The following PLS1 variants were observed in gnomAD, a reference collection of about 807,000 sequenced individuals.
PLS1 encodes plastin-1.
Under a neutral mutation model 73.7 loss-of-function variants are expected in PLS1, and 32 were observed. That is an observed-to-expected ratio of 0.43 (90% CI 0.33 to 0.58). The LOEUF (loss-of-function observed/expected upper bound fraction) is 0.58. Among genes scored for constraint, PLS1 ranks in the 20% least tolerant of loss-of-function variants. The pLI, the probability that PLS1 is intolerant of heterozygous loss-of-function variation, is 0.04. For synonymous variants in PLS1, 217 were observed against 261.3 expected (o/e 0.83, Z 1.63); for missense variants, 633 against 740.5 (o/e 0.85, Z 1.68).
At chr3:142,655,005 T>C (rs1359223202) in intron 1 of PLS1, 1 of 152,110 alleles carries the variant, frequency 6.6e-6, no homozygotes. Context: ...TCCCCACATA[T>C]ACAACACAAG....
chr3:142,677,087 T>A (rs1237227725), intron 5 of PLS1, among the ~76,000 whole-genome samples: 1 of 152,152 alleles, frequency 6.6e-6, no homozygotes. Flanking sequence ...ATTCCTATTA[T>A]GAACCAAATG....
chr3:142,636,753 T>A (rs904425242), intron 1 of PLS1, among the ~76,000 whole-genome samples: 1 of 152,120 alleles, frequency 6.6e-6, no homozygotes, highest in Non-Finnish European at 1.5e-5. Context: ...AATAAAATAA[T>A]GGGCAAAAGA....
At chr3:142,698,137 G>T in intron 12 of PLS1, 70 bp downstream of exon 12, 1 of 877,792 alleles carries the variant, frequency 1.1e-6, no homozygotes, top group Non-Finnish European at 1.9e-6. Flanking sequence ...AGAGTTTCAT[G>T]AAGTTATACG....
At chr3:142,613,909 T>C (rs534490969) in intron 1 of PLS1, among the ~76,000 whole-genome samples, 58 of 152,316 alleles carry the variant, frequency 3.8e-4, no homozygotes, top group African/African-American at 1.1e-3. Flanking sequence ...CAACATACTT[T>C]TATTTGCTTT....
intron 1 of PLS1, among the ~76,000 whole-genome samples, chr3:142,648,708 A>G (rs6766404): frequency 0.018 from 2,758 of 152,320 alleles, 81 homozygotes; most frequent in African/African-American, 0.062. Flanking sequence ...ATATCTGACC[A>G]TATATAAAAA....
intron 1 of PLS1, among the ~76,000 whole-genome samples, chr3:142,652,189 T>C (rs2037109222): frequency 6.6e-6 from 1 of 152,174 alleles, no homozygotes; most frequent in Non-Finnish European, 1.5e-5. Flanking sequence ...GAAGAACTGA[T>C]TCCCACTTCG....
At chr3:142,643,825 ATTTTTTTT>A (rs67216911) in intron 1 of PLS1, among the ~76,000 whole-genome samples, 1 of 122,888 alleles carries the variant, frequency 8.1e-6, no homozygotes, top group African/African-American at 3.2e-5. Flanking sequence ...TCTTCATTTC[ATTTTTTTT>A]TTTTTTTTTT....
intron 1 of PLS1, among the ~76,000 whole-genome samples, chr3:142,656,214 G>A (rs1427889137): frequency 6.6e-6 from 1 of 152,116 alleles, no homozygotes; most frequent in African/African-American, 2.4e-5. Flanking sequence ...TGCCTGCCTT[G>A]GCCTCCCAAA....
chr3:142,623,426 T>C (rs2036355106), intron 1 of PLS1: 1 of 152,182 alleles, frequency 6.6e-6, no homozygotes, highest in African/African-American at 2.4e-5. Flanking sequence ...AACACTTCAG[T>C]GTGGAATTGC....
At chr3:142,630,003 T>C (rs1025403510) in intron 1 of PLS1, among the ~76,000 whole-genome samples, 1 of 152,208 alleles carries the variant, frequency 6.6e-6, no homozygotes, top group African/African-American at 2.4e-5. Flanking sequence ...GTGCTGGTCC[T>C]GCCTAATGAA....
intron 4 of PLS1, among the ~76,000 whole-genome samples, chr3:142,672,712 T>C (rs1015235043): frequency 6.6e-6 from 1 of 152,192 alleles, no homozygotes; most frequent in Non-Finnish European, 1.5e-5. Context: ...ATATAACTAT[T>C]CTCTAGAAAA....
At chr3:142,640,397 T>C (rs1015229527) in intron 1 of PLS1, among the ~76,000 whole-genome samples, 29 of 152,192 alleles carry the variant, frequency 1.9e-4, no homozygotes, top group Admixed American at 1.9e-3. Context: ...GTCTCTTATT[T>C]CCAAGAATGT....
chr3:142,652,919 T>G (rs1428641589), intron 1 of PLS1, among the ~76,000 whole-genome samples: 2 of 152,354 alleles, frequency 1.3e-5, no homozygotes, highest in Non-Finnish European at 2.9e-5. Context: ...ATCCCATGTG[T>G]TAAAAAGTAA....
chr3:142,640,023 T>C (rs1560043579), intron 1 of PLS1, among the ~76,000 whole-genome samples: 1 of 152,176 alleles, frequency 6.6e-6, no homozygotes, highest in Non-Finnish European at 1.5e-5. Context: ...GGAAAATATT[T>C]TAAGCTATTG....
At chr3:142,637,882 A>G (rs1373491645) in intron 1 of PLS1, among the ~76,000 whole-genome samples, 3 of 151,248 alleles carry the variant, frequency 2.0e-5, no homozygotes, top group Non-Finnish European at 4.4e-5. Context: ...CTATATATAT[A>G]TGAGATTTAG....
intron 1 of PLS1, among the ~76,000 whole-genome samples, chr3:142,661,377 G>A (rs113873403): frequency 0.013 from 1,948 of 152,070 alleles, 28 homozygotes; most frequent in African/African-American, 0.045. Flanking sequence ...ATTAAATAGC[G>A]GACAATAGTA....
At position 142,606,960 on chromosome 3, in the gene PLS1, G is replaced by A. The variant is rs550759913; in HGVS notation, c.-37+10451G>A. Among the ~76,000 whole-genome samples, 3 of 152,256 alleles carry A rather than the reference G, an allele frequency of 2.0e-5. No individual in the cohort carries two copies. In the South Asian group the frequency reaches 6.2e-4, roughly 32 times the overall value. ...TTTCATTTCTCTGGGCATATACCTA[G>A]AAGTGGAATTGCTGGGTCATATCAC... is the stretch of plus-strand genomic sequence containing the variant. On this transcript the variant is annotated intron_variant, in intron 1 of 15. Transcript: ENST00000457734.
intron 14 of PLS1, 94 bp from the exon 15 acceptor site, chr3:142,711,407 A>C: frequency 1.2e-6 from 1 of 848,740 alleles, no homozygotes; most frequent in Non-Finnish European, 1.8e-6. Context: ...AAGAATTTGT[A>C]GATTGCCTTC....
chr3:142,649,490 T>A (rs758377117), intron 1 of PLS1, among the ~76,000 whole-genome samples: 2 of 150,432 alleles, frequency 1.3e-5, no homozygotes, highest in Admixed American at 1.3e-4. Flanking sequence ...TACAAAAAAT[T>A]AGCCAGGCAT....
Sources: allele counts gnomAD v4.1 joint callset (sites outside exome capture counted in the v4.1 genomes callset), GRCh38; gene constraint gnomAD v4.1.1; transcripts MANE v1.5; gene names NCBI Gene and HGNC (gene_info 2026-07-23, HGNC 2026-07-21).